SLC35F2: variants seen among roughly 807,000 people sequenced by gnomAD.
SLC35F2 encodes solute carrier family 35 member F2.
A neutral mutation model predicts 38.1 loss-of-function variants in SLC35F2; 25 were observed. The ratio of observed to expected loss-of-function variants is 0.66; its 90% CI spans 0.48 to 0.92. The LOEUF (loss-of-function observed/expected upper bound fraction) is 0.92, where lower values mean the gene tolerates loss of function less well. Among genes scored for constraint, SLC35F2 ranks in the 40% least tolerant of loss-of-function variants. The pLI, the probability that SLC35F2 is intolerant of heterozygous loss-of-function variation, is 0.00. For synonymous variants in SLC35F2, 173 were observed against 181.7 expected (o/e 0.95, Z 0.38); for missense variants, 409 against 452.9 (o/e 0.90, Z 0.88).
intron 2 of SLC35F2, among the ~76,000 whole-genome samples, chr11:107,813,360 G>A (rs889420452): frequency 1.3e-5 from 2 of 152,058 alleles, no homozygotes; most frequent in Non-Finnish European, 1.5e-5. Context: ...CAAGAAAATC[G>A]CTTGAACCCA....
At chr11:107,846,660 A>C (rs1377864091) in intron 1 of SLC35F2, among the ~76,000 whole-genome samples, 4 of 152,182 alleles carry the variant, frequency 2.6e-5, no homozygotes, top group African/African-American at 9.7e-5. Context: ...GGCTGGGAGC[A>C]GTGGCTCAAG....
chr11:107,846,237 A>C (rs1204769036), intron 1 of SLC35F2, among the ~76,000 whole-genome samples: 1 of 152,104 alleles, frequency 6.6e-6, no homozygotes, highest in Non-Finnish European at 1.5e-5. Context: ...CACATGTGAC[A>C]ACCTGGGAGA....
intron 7 of SLC35F2, among the ~76,000 whole-genome samples, chr11:107,797,300 A>C (rs551044714): frequency 5.9e-5 from 9 of 152,134 alleles, no homozygotes; most frequent in Non-Finnish European, 8.8e-5. Context: ...AAACAGTAAG[A>C]AAACAGAATG....
intron 1 of SLC35F2, chr11:107,823,985 A>G (rs1487165084): frequency 2.2e-5 from 22 of 984,188 alleles, no homozygotes; most frequent in Non-Finnish European, 2.7e-5. Flanking sequence ...TTTTCTTTAC[A>G]TAGTGAGTAG....
intron 5 of SLC35F2, chr11:107,805,027 G>A: frequency 5.1e-6 from 5 of 983,160 alleles, no homozygotes; most frequent in Non-Finnish European, 6.0e-6. Flanking sequence ...ATTATGCTTT[G>A]TTTTTGAATA....
intron 7 of SLC35F2, among the ~76,000 whole-genome samples, chr11:107,796,554 CAT>C (rs1342611753): frequency 6.6e-6 from 1 of 152,118 alleles, no homozygotes. Context: ...ATGTTTCACT[CAT>C]ATGTGAGAGC....
chr11:107,836,737 A>ACC (rs1328853470), intron 1 of SLC35F2, among the ~76,000 whole-genome samples: 4 of 152,184 alleles, frequency 2.6e-5, no homozygotes, highest in South Asian at 2.1e-4. Context: ...CGGGAAGATG[A>ACC]ATGTTGGCTT....
chr11:107,816,921 G>A (rs574900649), intron 1 of SLC35F2, among the ~76,000 whole-genome samples: 10 of 152,176 alleles, frequency 6.6e-5, no homozygotes, highest in African/African-American at 1.2e-4. Flanking sequence ...TCACTAAGGC[G>A]TATAACTAAA....
chr11:107,805,653 TGA>T, intron 4 of SLC35F2, 138 bp from the exon 5 acceptor site: 7 of 1,448,212 alleles, frequency 4.8e-6, no homozygotes, highest in South Asian at 1.5e-5. Context: ...AGTTTATGTG[TGA>T]GAGTGTGTGT....
intron 1 of SLC35F2, chr11:107,824,008 ACT>A: frequency 1.0e-6 from 1 of 984,796 alleles, no homozygotes; most frequent in Non-Finnish European, 1.2e-6. Flanking sequence ...GCCAAGATGA[ACT>A]GTTTTCTTTC....
At chr11:107,820,671 T>C (rs931438435) in intron 1 of SLC35F2, among the ~76,000 whole-genome samples, 1 of 152,092 alleles carries the variant, frequency 6.6e-6, no homozygotes, top group African/African-American at 2.4e-5. Flanking sequence ...GAAAACCCCT[T>C]CAGGCTGGGC....
intron 1 of SLC35F2, among the ~76,000 whole-genome samples, chr11:107,826,202 C>A (rs1289081987): frequency 1.3e-5 from 2 of 150,886 alleles, no homozygotes; most frequent in African/African-American, 2.4e-5. Flanking sequence ...AAAAAGGAAG[C>A]AAATGTGGAG....
intron 1 of SLC35F2, among the ~76,000 whole-genome samples, chr11:107,824,416 G>C (rs535674491): frequency 6.6e-6 from 1 of 152,276 alleles, no homozygotes; most frequent in East Asian, 1.9e-4. Flanking sequence ...ACAAACTCCA[G>C]AGTTAGATAA....
chr11:107,824,650 CTCTTA>C (rs778549546), intron 1 of SLC35F2, among the ~76,000 whole-genome samples: 1 of 152,192 alleles, frequency 6.6e-6, no homozygotes, highest in Admixed American at 6.5e-5. Context: ...TTAGGTAGTT[CTCTTA>C]TGTCTTTTTT....
At chr11:107,839,684 G>C (rs545303018) in intron 1 of SLC35F2, among the ~76,000 whole-genome samples, 2 of 152,126 alleles carry the variant, frequency 1.3e-5, no homozygotes, top group African/African-American at 4.8e-5. Flanking sequence ...ACGGAGTTTC[G>C]CTCTTGTAGC....
chr11:107,821,333 TA>T (rs1859666922), intron 1 of SLC35F2: 6 of 897,060 alleles, frequency 6.7e-6, no homozygotes, highest in Middle Eastern at 5.7e-4. Context: ...AACTATCTTC[TA>T]AAAAAAGGAG....
chr11:107,815,790 C>G lies in SLC35F2; in HGVS notation c.286G>C (p.Gly96Arg). The change falls in exon 2 of 8, where the codon GGC (glycine) becomes CGC (arginine). Residue 96 changes from glycine (G) to arginine (R), a missense_variant and splice_region_variant. Transcript: ENST00000525815. Reference sequence around the variant, plus strand: ...AAGATAATTTCCACATTTGACATACCTGATCGAAATGCCAGCATCACTGTA... The same window carrying G: ...AAGATAATTTCCACATTTGACATACGTGATCGAAATGCCAGCATCACTGTA... Reference protein sequence around the residue: ...IYTVMLAFRSGSDNLLVILKR... With the variant: ...IYTVMLAFRSRSDNLLVILKR... 6.2e-7 allele frequency: 1 copy of G among 1,600,972 alleles called. No individual in the cohort carries two copies. Among genetic ancestry groups the G allele is most frequent in the Non-Finnish European group, 8.5e-7 (1 of 1,174,282 alleles).
intron 1 of SLC35F2, among the ~76,000 whole-genome samples, chr11:107,826,340 G>A (rs568576975): frequency 5.3e-5 from 8 of 150,188 alleles, no homozygotes; most frequent in Non-Finnish European, 8.8e-5. Context: ...GCAATAGCTC[G>A]ATCTGGGCTC....
At chr11:107,858,036 T>C (rs1860321728) in intron 1 of SLC35F2, among the ~76,000 whole-genome samples, 1 of 152,132 alleles carries the variant, frequency 6.6e-6, no homozygotes, top group African/African-American at 2.4e-5. Flanking sequence ...GCCCACTCCT[T>C]AAAAACATTT....
Sources: allele counts gnomAD v4.1 joint callset (sites outside exome capture counted in the v4.1 genomes callset), GRCh38; gene constraint gnomAD v4.1.1; transcripts MANE v1.5; gene names NCBI Gene and HGNC (gene_info 2026-07-23, HGNC 2026-07-21).